Variants in CD63 observed in about 807,000 individuals in gnomAD.
The protein encoded by CD63 is CD63 molecule.
A neutral mutation model predicts 29.2 loss-of-function variants in CD63; 16 were observed. The observed-to-expected ratio is 0.55, with a 90% CI of 0.37 to 0.83. CD63 has a LOEUF of 0.83. Among genes scored for constraint, CD63 ranks in the 40% least tolerant of loss-of-function variants. The pLI is 0.00. For missense variants in CD63, 251 were observed against 297.3 expected, an observed-to-expected ratio of 0.84 and a Z score of 1.15; for synonymous variants, 118 against 111.7, an observed-to-expected ratio of 1.06 and a Z score of -0.36.
Position 55,728,589 on chromosome 12 carries a change from T to C in CD63, c.-11-237A>G, listed in dbSNP as rs1429641196. ...CGCCGCCTCTGGGGCCCAGGACAGATCCAAGGGCGCCGGCAGGGGCTTGAG... is the reference window on the plus strand; with the variant it reads ...CGCCGCCTCTGGGGCCCAGGACAGACCCAAGGGCGCCGGCAGGGGCTTGAG... On this transcript the variant is annotated intron_variant, in intron 1 of 7. Transcript: ENST00000257857. The surrounding 1 kb of genome is among the most constrained non-coding windows in gnomAD (Gnocchi z 4.8). 7.3e-7 allele frequency: 1 copy of C among 1,373,036 alleles called. No homozygotes were observed. The highest frequency in any genetic ancestry group is 1.5e-5 in the African/African-American group (1 of 66,810). 85.1% of individuals were successfully genotyped at this position (1,373,036 alleles called of 1,614,324 possible). A position where few individuals can be genotyped will look rare whatever the true frequency, so the allele number is the denominator to read the frequency against.
chr12:55,726,334 CTTTTT>C (rs777731653), intron 5 of CD63, 73 bp from the exon 6 acceptor site: 899 of 286,464 alleles, frequency 3.1e-3, no homozygotes, highest in East Asian at 9.3e-3. Context: ...GATGAGAATT[CTTTTT>C]TTTTTTTTTT....
chr12:55,726,038 C>T, intron 6 of CD63, 83 bp downstream of exon 6: 1 of 1,550,392 alleles, frequency 6.4e-7, no homozygotes, highest in Non-Finnish European at 8.9e-7. Flanking sequence ...CCATCCCTGA[C>T]CCTGTCCACC....
At chr12:55,726,823 G>A in intron 4 of CD63, 28 bp from the exon 5 acceptor site, 1 of 1,606,306 alleles carries the variant, frequency 6.2e-7, no homozygotes, top group South Asian at 1.1e-5. Flanking sequence ...CACTGTTGCA[G>A]TCAGAATTCA....
upstream of CD63, chr12:55,729,276 CTA>C: frequency 6.2e-6 from 2 of 321,742 alleles, no homozygotes; most frequent in East Asian, 3.4e-4. Flanking sequence ...CCCTCTGGCG[CTA>C]TACCTCCGTG....
upstream of CD63, chr12:55,729,517 G>A (rs1340512994): frequency 6.6e-6 from 1 of 152,570 alleles, no homozygotes; most frequent in Non-Finnish European, 1.5e-5. Flanking sequence ...CAGACAGCTG[G>A]GGACTGCCTG....
chr12:55,727,393 A>G, intron 2 of CD63, 54 bp from the exon 3 acceptor site: 2 of 1,510,580 alleles, frequency 1.3e-6, no homozygotes, highest in Non-Finnish European at 1.8e-6. Context: ...GTGGCCCTCC[A>G]TGGTGGAGGG....
At position 55,728,991 on chromosome 12, in the gene CD63, C is replaced by CGCGGCTCCGGGGCTCTCTAGCT; in HGVS notation, c.-51_-50insAGCTAGAGAGCCCCGGAGCCGC. 1.0e-6 allele frequency: 1 copy of CGCGGCTCCGGGGCTCTCTAGCT among 985,494 alleles called. No homozygotes were observed. The highest frequency in any genetic ancestry group is 1.2e-6 in the Non-Finnish European group (1 of 830,064). The allele number at this position is 985,494 out of a possible 1,614,324, so 61.0% of individuals were successfully genotyped here. ...GGCTGGCTGCGCGTTCCTCTCCCGC[C>CGCGGCTCCGGGGCTCTCTAGCT]GCGGCTCCGGGGCTCTCTAGCTGCG... On this transcript the variant is annotated 5_prime_UTR_variant, in exon 1 of 8. Coordinates refer to ENST00000257857, the MANE Select transcript of CD63 (RefSeq NM_001780.6). This position sits in a 1 kb window ranked among gnomAD's most constrained non-coding sequence, Gnocchi z 4.8.
rs1397165912 is a variant in CD63, at chr12:55,726,794, A to C, written c.332T>G (p.Val111Gly). The change falls in exon 5 of 8, where the codon GTG (valine) becomes GGG (glycine). Residue 111 changes from valine (V) to glycine (G), a missense_variant and splice_region_variant. By Grantham distance (109) the Val-to-Gly change is moderately radical. Transcript: ENST00000257857. ...AIAGYVFRDKVMSEFNNNFRQ... is the reference protein window; with the variant it reads ...AIAGYVFRDKGMSEFNNNFRQ... Reference sequence around the variant, plus strand: ...GAAGTTGTTATTAAACTCTGACATCACCTGAGAGTACGGAGGAGCACTGTT... The same window carrying C: ...GAAGTTGTTATTAAACTCTGACATCCCCTGAGAGTACGGAGGAGCACTGTT... 6.2e-7 allele frequency: 1 copy of C among 1,613,190 alleles called. No individual in the cohort carries two copies. The highest frequency in any genetic ancestry group is 1.7e-5 in the Admixed American group (1 of 60,010).
Position 55,728,700 on chromosome 12 carries a change from G to A in CD63, c.-12+253C>T. 1 of 1,101,886 alleles carries A rather than the reference G, an allele frequency of 9.1e-7. No homozygotes were observed. The highest frequency in any genetic ancestry group is 2.6e-5 in the South Asian group (1 of 38,126). The allele number at this position is 1,101,886 out of a possible 1,614,324, so 68.3% of individuals were successfully genotyped here. ...ACCCAGCCTGGAGAAACGGTCTTCA[G>A]CCCAACCCCGACCCCCGCCCCAGCC... On this transcript the variant is annotated intron_variant, in intron 1 of 7. Transcript: ENST00000257857. This position sits in a 1 kb window ranked among gnomAD's most constrained non-coding sequence, Gnocchi z 4.8.
chr12:55,726,211 G>T lies in CD63; in HGVS notation c.477C>A (p.Ser159=), dbSNP rs1321266699. The T allele has an allele frequency of 6.8e-6, 11 of 1,613,788 alleles. No homozygotes were observed. Among genetic ancestry groups the T allele is most frequent in the Non-Finnish European group, 9.3e-6 (11 of 1,179,914 alleles). The change falls in exon 6 of 8, where the codon TCC becomes TCA. Residue 159 remains serine (S), a synonymous_variant. Transcript: ENST00000257857. ...AGTCGGGGACTCGGTTCTTCGACAT[G>T]GAAGGGATTTTCTCCCAATCTGTGT... ...ANYTDWEKIP[S]MSKNRVPDSC... is the part of the protein sequence containing the mutation.
chr12:55,724,566 A>G, downstream of CD63: 1 of 1,601,894 alleles, frequency 6.2e-7, no homozygotes, highest in Non-Finnish European at 8.5e-7. Flanking sequence ...CCAGCAAGAG[A>G]TTGTTTTTCA....
chr12:55,726,910 C>T lies in CD63; in HGVS notation c.310G>A (p.Gly104Ser), dbSNP rs1433766953. ...MLVEVAAAIA[G>S]YVFRDKVMSE... The stretch of plus-strand genomic sequence containing the variant: ...CTTACCTTATCTCTAAACACATAGC[C>T]AGCAATGGCTGCGGCCACCTCCACC... The change falls in exon 4 of 8, where the codon GGC becomes AGC. Residue 104 changes from glycine (G) to serine (S), a missense_variant. Physicochemically the swap from Gly to Ser is moderately conservative, Grantham distance 56. Coordinates refer to ENST00000257857, the MANE Select transcript of CD63 (RefSeq NM_001780.6). 6.2e-7 allele frequency: 1 copy of T among 1,614,108 alleles called. No individual in the cohort carries two copies. The highest frequency in any genetic ancestry group is 1.7e-5 in the Admixed American group (1 of 60,028).
chr12:55,725,409 G>T lies in CD63; in HGVS notation c.*152C>A. Reference sequence around the variant, plus strand: ...CATGCATTAAGGTCCCAGAGGACAGGGAACATCAGTAAGGAAAGGAAGGAA... The same window carrying T: ...CATGCATTAAGGTCCCAGAGGACAGTGAACATCAGTAAGGAAAGGAAGGAA... On this transcript the variant is annotated 3_prime_UTR_variant, in exon 8 of 8. Coordinates refer to ENST00000257857, the MANE Select transcript of CD63 (RefSeq NM_001780.6). 1.4e-6 allele frequency: 1 copy of T among 698,068 alleles called. No individual in the cohort carries two copies. 43.2% of individuals were successfully genotyped at this position (698,068 alleles called of 1,614,324 possible). A position where few individuals can be genotyped will look rare whatever the true frequency, so the allele number is the denominator to read the frequency against.
chr12:55,725,967 A>G lies in CD63; in HGVS notation c.568-71T>C. The G allele has an allele frequency of 4.8e-6, 6 of 1,249,792 alleles. No individual in the cohort carries two copies. The South Asian group carries it at 7.3e-5, about 15-fold the overall frequency. The allele number at this position is 1,249,792 out of a possible 1,614,324, so 77.4% of individuals were successfully genotyped here. A position where few individuals can be genotyped will look rare whatever the true frequency, so the allele number is the denominator to read the frequency against. On this transcript the variant is annotated intron_variant, in intron 6 of 7. Transcript: ENST00000257857. ...CCACCCCAACCCCCTCCCTTGGTCC[A>G]TCAGTCTCTTCCCTGCCCCTGTACC...
upstream of CD63, chr12:55,729,520 A>C (rs1877777659): frequency 6.6e-6 from 1 of 152,512 alleles, no homozygotes; most frequent in South Asian, 2.1e-4. Context: ...ACAGCTGGGG[A>C]CTGCCTGGGG....
At chr12:55,724,674 A>C (rs991765281), downstream of CD63, 8 of 950,704 alleles carry the variant, frequency 8.4e-6, no homozygotes, top group Non-Finnish European at 9.8e-6. Context: ...TAAAAAATAA[A>C]AAGAAGGTGG....
chr12:55,727,435 C>G (rs1877534537), intron 2 of CD63, 96 bp from the exon 3 acceptor site: 1 of 1,312,648 alleles, frequency 7.6e-7, no homozygotes, highest in African/African-American at 1.5e-5. Context: ...AGACTTGACC[C>G]CATCCGGAAG....
downstream of CD63, chr12:55,724,523 A>G (rs1276653369): frequency 6.2e-7 from 1 of 1,611,992 alleles, no homozygotes; most frequent in African/African-American, 1.3e-5. Context: ...GTCCTTCCCA[A>G]GCCTGCCCAA....
Position 55,727,016 on chromosome 12 carries a change from C to T in CD63, c.256-52G>A, listed in dbSNP as rs372890146. On this transcript the variant is annotated intron_variant, in intron 3 of 7. Transcript: ENST00000257857. ...GTTTGGAGTCTATGCATTACAGGGGCCCGTTTTGGCACAGCCGGTCCCTGG... is the reference window on the plus strand; with the variant it reads ...GTTTGGAGTCTATGCATTACAGGGGTCCGTTTTGGCACAGCCGGTCCCTGG... The T allele has an allele frequency of 6.9e-5, 110 of 1,588,524 alleles. No homozygotes were observed. In the Middle Eastern group the frequency reaches 1.8e-3, roughly 26 times the overall value.
Sources: gnomAD v4.1 joint callset for allele counts on GRCh38, gnomAD v4.1.1 for gene constraint, Gnocchi (gnomAD v3.1) non-coding constraint, MANE v1.5 for transcripts, NCBI Gene and HGNC (gene_info 2026-07-23, HGNC 2026-07-21) for gene names.